Variants in ARHGAP23 observed in about 807,000 individuals in gnomAD.
The protein encoded by ARHGAP23 is rho GTPase-activating protein 23.
ARHGAP23 carries 34 observed loss-of-function variants against 136.3 expected under a neutral mutation model. That is an observed-to-expected ratio of 0.25 (90% confidence interval 0.19 to 0.33). The LOEUF (loss-of-function observed/expected upper bound fraction) is 0.33, where lower values mean the gene tolerates loss of function less well. Ranked by LOEUF, ARHGAP23 falls within the 10% of genes least tolerant of loss-of-function variation. ARHGAP23 has a pLI of 1.00. For synonymous variants in ARHGAP23, 832 were observed against 920.5 expected, an observed-to-expected ratio of 0.90 and a Z score of 1.74; for missense variants, 1,808 against 2,139.0, an observed-to-expected ratio of 0.85 and a Z score of 3.05.
chr17:38,509,881 G>C (rs1166714429), intron 23 of ARHGAP23, 63 bp from the exon 24 acceptor site: 1 of 1,192,870 alleles, frequency 8.4e-7, no homozygotes, highest in Non-Finnish European at 1.1e-6. Flanking sequence ...GGACCGGGTA[G>C]AGCGGGGTCG....
In ARHGAP23 at chr17:38,497,789, A is replaced by G. The variant is rs746987225; in HGVS notation, c.3281A>G (p.Asp1094Gly). Residue 1094 changes from aspartate to glycine, a missense_variant, in exon 21 of 24, where the codon GAC becomes GGC. By Grantham distance (94) the Asp-to-Gly change is moderately conservative (BLOSUM62 -1). Coordinates refer to ENST00000622683, the MANE Select transcript of ARHGAP23 (RefSeq NM_001199417.2). The stretch of plus-strand genomic sequence containing the variant: ...TTCCTTTTGTCTTCTCTGCAGTCAG[A>G]CTGGTTCTTCAGTGACGAAGAGGAC... ...KIVETLIQHS[D>G]WFFSDEEDKG... is the part of the protein sequence containing the mutation. 6.4e-7 allele frequency: 1 copy of G among 1,551,098 alleles called. No individual in the cohort carries two copies.
chr17:38,471,856 C>T lies in ARHGAP23; in HGVS notation c.1975-7C>T, dbSNP rs1241094312. 1 of 1,533,782 alleles carries T rather than the reference C, an allele frequency of 6.5e-7. No homozygotes were observed. Among genetic ancestry groups the T allele is most frequent in the Non-Finnish European group, 8.8e-7 (1 of 1,138,218 alleles). On this transcript the variant is annotated splice_region_variant and splice_polypyrimidine_tract_variant and intron_variant, in intron 10 of 23. Coordinates refer to ENST00000622683, the MANE Select transcript of ARHGAP23 (RefSeq NM_001199417.2). The stretch of plus-strand genomic sequence containing the variant: ...ACCCTAAATTGTCCTCTGTTGTCTC[C>T]CTGCAGTCCTTGGATAGCTGGGGCA...
chr17:38,434,297 G>T (rs2038745865), intron 1 of ARHGAP23, among the ~76,000 whole-genome samples: 1 of 152,242 alleles, frequency 6.6e-6, no homozygotes, highest in Non-Finnish European at 1.5e-5. Flanking sequence ...GGGAAAGAAA[G>T]ACTTCTTATG....
intron 23 of ARHGAP23, among the ~76,000 whole-genome samples, chr17:38,505,692 G>A (rs550936655): frequency 7.9e-4 from 120 of 152,336 alleles, no homozygotes; most frequent in African/African-American, 2.6e-3. Context: ...ACTTTGGGAG[G>A]CCAGGGTGGG....
In ARHGAP23 at chr17:38,510,471, G is replaced by A. The variant is rs914773044; in HGVS notation, c.3975G>A (p.Arg1325=). 1 of 1,199,228 alleles carries A rather than the reference G, an allele frequency of 8.3e-7. No homozygotes were observed. The highest frequency in any genetic ancestry group is 1.0e-6 in the Non-Finnish European group (1 of 967,700). 74.3% of individuals were successfully genotyped at this position (1,199,228 alleles called of 1,614,324 possible). A position where few individuals can be genotyped will look rare whatever the true frequency, so the allele number is the denominator to read the frequency against. ...CDTLARRRLA[R]GRPDGEGAGR... is the part of the protein sequence containing the mutation. Reference sequence around the variant, plus strand: ...CTCTGGCGCGCCGCCGCCTGGCCCGGGGCCGCCCAGACGGCGAGGGCGCGG... The same window carrying A: ...CTCTGGCGCGCCGCCGCCTGGCCCGAGGCCGCCCAGACGGCGAGGGCGCGG... Residue 1325 remains arginine (R), a synonymous_variant, in exon 24 of 24, where the codon CGG becomes CGA. Coordinates refer to ENST00000622683, the MANE Select transcript of ARHGAP23 (RefSeq NM_001199417.2). The surrounding 1 kb of genome is among the most constrained non-coding windows in gnomAD (Gnocchi z 4.6).
intron 1 of ARHGAP23, among the ~76,000 whole-genome samples, chr17:38,423,181 C>T (rs9895294): frequency 0.29 from 44,156 of 151,722 alleles, 7,992 homozygotes; most frequent in African/African-American, 0.51. Flanking sequence ...TTTGCATGTA[C>T]TAGGTGCTCA....
rs549057533 is a variant in ARHGAP23 at position 38,464,729 on chromosome 17, G to A, written c.483+1347G>A. On this transcript the variant is annotated intron_variant, in intron 6 of 23. Coordinates refer to ENST00000622683, the MANE Select transcript of ARHGAP23 (RefSeq NM_001199417.2). ...GTCCCCCACTCTCTCCAGTTGGCAG[G>A]GGCAAGGAGTGGGAAGGGCAGTAGC... Among the ~76,000 whole-genome samples, 267 of 152,338 alleles carry A rather than the reference G, an allele frequency of 1.8e-3. 1 individual carries two copies. Among genetic ancestry groups the A allele is most frequent in the African/African-American group, 6.0e-3 (250 of 41,584 alleles).
intron 1 of ARHGAP23, among the ~76,000 whole-genome samples, chr17:38,452,759 G>A (rs1181162357): frequency 1.3e-5 from 2 of 152,178 alleles, no homozygotes; most frequent in South Asian, 2.1e-4. Context: ...AGCCCCATCC[G>A]GATGGGGCCT....
At chr17:38,476,315 G>A (rs1346974461) in intron 11 of ARHGAP23, among the ~76,000 whole-genome samples, 1 of 152,144 alleles carries the variant, frequency 6.6e-6, no homozygotes, top group Non-Finnish European at 1.5e-5. Flanking sequence ...AGACAGAGAC[G>A]GGATGTTTTG....
At chr17:38,446,310 C>T (rs2039033630) in intron 1 of ARHGAP23, among the ~76,000 whole-genome samples, 1 of 151,686 alleles carries the variant, frequency 6.6e-6, no homozygotes, top group Non-Finnish European at 1.5e-5. Flanking sequence ...CAGGTGTAAG[C>T]CACCCCGCCT....
Position 38,510,579 on chromosome 17 carries a change from G to A in ARHGAP23, c.4083G>A (p.Ala1361=), listed in dbSNP as rs1004842972. The change falls in exon 24 of 24, where the codon GCG becomes GCA. Residue 1361 remains alanine (A), a synonymous_variant. Transcript: ENST00000622683. This position sits in a 1 kb window ranked among gnomAD's most constrained non-coding sequence, Gnocchi z 4.6. ...AGTCGCTGCGGCCCCCGGCGGCGGC[G>A]CTGGCCTCCCGGCCCTCGCGCATGG... ...SQESLRPPAA[A]LASRPSRMEA... is the part of the protein sequence containing the mutation. The A allele has an allele frequency of 7.9e-7, 1 of 1,260,312 alleles. No homozygotes were observed. The highest frequency in any genetic ancestry group is 3.0e-5 in the South Asian group (1 of 33,894). 78.1% of individuals were successfully genotyped at this position (1,260,312 alleles called of 1,614,324 possible). A position where few individuals can be genotyped will look rare whatever the true frequency, so the allele number is the denominator to read the frequency against.
In ARHGAP23 at chr17:38,510,186, TC is replaced by T; in HGVS notation, c.3695del (p.Pro1232ArgfsTer51). The T allele has an allele frequency of 2.2e-6, 3 of 1,343,146 alleles. No homozygotes were observed. Among genetic ancestry groups the T allele is most frequent in the South Asian group, 4.1e-5 (2 of 49,042 alleles). 83.2% of individuals were successfully genotyped at this position (1,343,146 alleles called of 1,614,324 possible). On this transcript the variant is annotated frameshift_variant, in exon 24 of 24. Transcript: ENST00000622683. LOFTEE classifies it high-confidence loss of function. This position sits in a 1 kb window ranked among gnomAD's most constrained non-coding sequence, Gnocchi z 4.6. Reference protein sequence around the residue: ...VAPEAPGRLSPPAAPEERPAA... With the variant: ...VAPEAPGRLSXPAAPEERPAA... ...CCCCCGAGGCCCCCGGACGCCTCAG[TC>T]CCCCGGCGGCGCCGGAGGAGCGGCC...
At position 38,510,840 on chromosome 17, in the gene ARHGAP23, C is replaced by T. The variant is rs1395801567; in HGVS notation, c.4344C>T (p.Ser1448=). 1.3e-6 allele frequency: 2 copies of T among 1,508,336 alleles called. No individual in the cohort carries two copies. Among genetic ancestry groups the T allele is most frequent in the African/African-American group, 1.4e-5 (1 of 69,060 alleles). 93.4% of individuals were successfully genotyped at this position (1,508,336 alleles called of 1,614,324 possible). The part of the protein sequence containing the change: ...AHSDNKDSGL[S]SLESTKARAP... ...GTGACAACAAGGACTCCGGACTCAG[C>T]AGCCTGGAGTCCACCAAGGCGCGGG... Residue 1448 remains serine (S), a synonymous_variant, in exon 24 of 24, where the codon AGC becomes AGT. Transcript: ENST00000622683. This position sits in a 1 kb window ranked among gnomAD's most constrained non-coding sequence, Gnocchi z 4.6.
At chr17:38,447,449 A>G (rs1250606564) in intron 1 of ARHGAP23, among the ~76,000 whole-genome samples, 7 of 150,134 alleles carry the variant, frequency 4.7e-5, no homozygotes, top group African/African-American at 1.7e-4. Flanking sequence ...AAAAAAAAAA[A>G]AAAAAAAAAA....
chr17:38,439,082 C>A (rs2038865011), intron 1 of ARHGAP23, among the ~76,000 whole-genome samples: 1 of 151,676 alleles, frequency 6.6e-6, no homozygotes, highest in Non-Finnish European at 1.5e-5. Context: ...GAGGCTGAGG[C>A]AGGAGAATCA....
chr17:38,436,518 GC>G (rs2038801849), intron 1 of ARHGAP23, among the ~76,000 whole-genome samples: 1 of 152,254 alleles, frequency 6.6e-6, no homozygotes, highest in African/African-American at 2.4e-5. Flanking sequence ...GTGGGCTGGA[GC>G]CGAATCGAAC....
At chr17:38,424,617 C>T (rs1020279734), upstream of ARHGAP23, among the ~76,000 whole-genome samples, 1 of 152,146 alleles carries the variant, frequency 6.6e-6, no homozygotes, top group South Asian at 2.1e-4. Context: ...GTCTCAGGGA[C>T]TACCAGAGTC....
intron 1 of ARHGAP23, among the ~76,000 whole-genome samples, chr17:38,439,350 C>G (rs1486760846): frequency 6.6e-6 from 1 of 152,200 alleles, no homozygotes; most frequent in South Asian, 2.1e-4. Flanking sequence ...CTCCACCACT[C>G]AAATATATGG....
At chr17:38,438,669 A>G (rs527365793) in intron 1 of ARHGAP23, among the ~76,000 whole-genome samples, 304 of 151,982 alleles carry the variant, frequency 2.0e-3, no homozygotes, top group Non-Finnish European at 3.7e-3. Context: ...CTGGAGGTAC[A>G]GTTGGAAGGG....
Sources: allele counts gnomAD v4.1 joint callset (sites outside exome capture counted in the v4.1 genomes callset), GRCh38; gene constraint gnomAD v4.1.1; non-coding constraint Gnocchi (gnomAD v3.1); transcripts MANE v1.5; gene names NCBI Gene and HGNC (gene_info 2026-07-23, HGNC 2026-07-21).